Variants in ANKS1A observed in about 807,000 individuals in gnomAD.
The protein encoded by ANKS1A is ankyrin repeat and sterile alpha motif domain containing 1A.
A neutral mutation model predicts 120.3 loss-of-function variants in ANKS1A; 55 were observed. The observed-to-expected ratio is 0.46, with a 90% CI of 0.37 to 0.57. ANKS1A has a LOEUF of 0.57. Among genes scored for constraint, ANKS1A ranks in the 20% least tolerant of loss-of-function variants. The probability of loss-of-function intolerance (pLI) is 0.00; values close to 1 mark genes in which losing one functional copy is unlikely to be tolerated. For missense variants in ANKS1A, 1,123 were observed against 1,480.3 expected (o/e 0.76, Z 3.96); for synonymous variants, 590 against 604.7 (o/e 0.98, Z 0.36).
Position 35,079,648 on chromosome 6 carries a change from T to C in ANKS1A, c.2416T>C (p.Trp806Arg), listed in dbSNP as rs762190254. The change falls in exon 15 of 24, where the codon TGG (tryptophan) becomes CGG (arginine). Residue 806 changes from tryptophan (W) to arginine (R), a missense_variant. This residue lies in a region of ANKS1A where 904 missense variants were observed against 1,130.4 expected (regional missense o/e 0.80). Transcript: ENST00000360359. Reference protein sequence around the residue: ...YSSIDTVKNLWELELVNVLKV... With the variant: ...YSSIDTVKNLRELELVNVLKV... ...CTCCATTGACACCGTGAAGAACCTC[T>C]GGGAGCTAGAGCTCGTCAATGTGAG... The C allele has an allele frequency of 6.2e-7, 1 of 1,614,160 alleles. No individual in the cohort carries two copies. Among genetic ancestry groups the C allele is most frequent in the South Asian group, 1.1e-5 (1 of 91,080 alleles).
chr6:34,919,989 A>G (rs1768351542), intron 1 of ANKS1A, among the ~76,000 whole-genome samples: 2 of 152,040 alleles, frequency 1.3e-5, no homozygotes, highest in Non-Finnish European at 2.9e-5. Context: ...CCACTTCTAG[A>G]TGGCAAGCTC....
At chr6:34,906,413 A>G (rs1029691057) in intron 1 of ANKS1A, among the ~76,000 whole-genome samples, 4 of 152,248 alleles carry the variant, frequency 2.6e-5, no homozygotes, top group Admixed American at 6.5e-5. Context: ...AACTTTCATC[A>G]GCAAATACTA....
chr6:34,930,688 A>G (rs2127473380), intron 1 of ANKS1A, among the ~76,000 whole-genome samples: 1 of 151,874 alleles, frequency 6.6e-6, no homozygotes, highest in Admixed American at 6.6e-5. Flanking sequence ...CCTCTCATGG[A>G]AATTATTTAT....
At chr6:35,094,857 G>A (rs1481628021), downstream of ANKS1A, among the ~76,000 whole-genome samples, 1 of 152,068 alleles carries the variant, frequency 6.6e-6, no homozygotes, top group African/African-American at 2.4e-5. Context: ...GAAAATACTC[G>A]AGGCCGGGTA....
intron 11 of ANKS1A, among the ~76,000 whole-genome samples, chr6:35,021,223 T>TG (rs1463797466): frequency 6.6e-6 from 1 of 152,186 alleles, no homozygotes; most frequent in Non-Finnish European, 1.5e-5. Flanking sequence ...ATCCTGTTCT[T>TG]GCTGATTTTT....
chr6:35,044,793 G>T lies in ANKS1A; in HGVS notation c.2011-9306G>T, dbSNP rs1775636326. Among the ~76,000 whole-genome samples the T allele has an allele frequency of 6.6e-6, 1 of 152,170 alleles. No individual in the cohort carries two copies. Among genetic ancestry groups the T allele is most frequent in the African/African-American group, 2.4e-5 (1 of 41,446 alleles). ...TGGATTTTGATTAACTTGTTTTTTA[G>T]ATAGAATTTTGTTTATTTTGGAACC... On this transcript the variant is annotated intron_variant, in intron 11 of 23. Transcript: ENST00000360359. This position sits in a 1 kb window ranked among gnomAD's most constrained non-coding sequence, Gnocchi z 4.4.
Position 34,932,662 on chromosome 6 carries a change from G to A in ANKS1A, c.198-34577G>A, listed in dbSNP as rs28803510. 7.6e-3 allele frequency among the ~76,000 whole-genome samples: 1,154 copies of A among 152,310 alleles called. 20 individuals carry two copies. Among genetic ancestry groups the A allele is most frequent in the African/African-American group, 0.025 (1,056 of 41,568 alleles). ...AACCTCCCAAAGTGCTGGGATTACAGGCATGAGCCACCATGCCCAGCAGTT... is the reference window on the plus strand; with the variant it reads ...AACCTCCCAAAGTGCTGGGATTACAAGCATGAGCCACCATGCCCAGCAGTT... On this transcript the variant is annotated intron_variant, in intron 1 of 23. Coordinates refer to ENST00000360359, the MANE Select transcript of ANKS1A (RefSeq NM_015245.3).
At chr6:35,038,140 A>G (rs966290199) in intron 11 of ANKS1A, 2 of 455,190 alleles carry the variant, frequency 4.4e-6, no homozygotes, top group Non-Finnish European at 8.8e-6. Flanking sequence ...CCTTTCCTCT[A>G]ACTCCAACCC....
At chr6:34,986,033 AGCCTAG>A (rs1360915089) in intron 8 of ANKS1A, among the ~76,000 whole-genome samples, 1 of 152,248 alleles carries the variant, frequency 6.6e-6, no homozygotes, top group Non-Finnish European at 1.5e-5. Flanking sequence ...AGCTTAGCCT[AGCCTAG>A]GTTAAATGTG....
At chr6:34,961,076 T>C (rs1770614302) in intron 1 of ANKS1A, among the ~76,000 whole-genome samples, 1 of 152,242 alleles carries the variant, frequency 6.6e-6, no homozygotes, top group African/African-American at 2.4e-5. Context: ...CAAGGGCAGC[T>C]ATTGCATTTC....
chr6:34,971,319 T>C (rs548776229), intron 3 of ANKS1A, among the ~76,000 whole-genome samples: 2 of 152,328 alleles, frequency 1.3e-5, no homozygotes, highest in Admixed American at 1.3e-4. Context: ...GGCCATGGAT[T>C]TAGTTACTCT....
At chr6:35,042,035 G>A (rs1358870688) in intron 11 of ANKS1A, among the ~76,000 whole-genome samples, 3 of 152,190 alleles carry the variant, frequency 2.0e-5, no homozygotes, top group Non-Finnish European at 4.4e-5. Context: ...CAGAGAAATG[G>A]GGGGAAGTGA....
At chr6:34,925,910 C>G (rs1029442159) in intron 1 of ANKS1A, among the ~76,000 whole-genome samples, 3 of 152,042 alleles carry the variant, frequency 2.0e-5, no homozygotes, top group Non-Finnish European at 2.9e-5. Flanking sequence ...ACAAAGGCAG[C>G]CTCCCATGAC....
intron 1 of ANKS1A, among the ~76,000 whole-genome samples, chr6:34,927,638 A>G (rs1219046286): frequency 6.6e-6 from 1 of 152,160 alleles, no homozygotes; most frequent in South Asian, 2.1e-4. Context: ...TTGGAGCTGG[A>G]CTAAGTGACA....
chr6:34,975,054 A>T (rs1771486054), intron 3 of ANKS1A, among the ~76,000 whole-genome samples: 1 of 152,224 alleles, frequency 6.6e-6, no homozygotes, highest in African/African-American at 2.4e-5. Flanking sequence ...TTAATTTTGC[A>T]CATATAAAAT....
In ANKS1A at chr6:35,060,370, A is replaced by G. The variant is rs1776437686; in HGVS notation, c.2184+117A>G. 3.5e-6 allele frequency: 3 copies of G among 859,746 alleles called. No homozygotes were observed. The African/African-American group carries it at 5.1e-5, about 15-fold the overall frequency. The allele number at this position is 859,746 out of a possible 1,614,324, so 53.3% of individuals were successfully genotyped here. A position where few individuals can be genotyped will look rare whatever the true frequency, so the allele number is the denominator to read the frequency against. On this transcript the variant is annotated intron_variant, in intron 13 of 23. Coordinates refer to ENST00000360359, the MANE Select transcript of ANKS1A (RefSeq NM_015245.3). The surrounding 1 kb of genome is among the most constrained non-coding windows in gnomAD (Gnocchi z 4.5). Reference sequence around the variant, plus strand: ...CAGTACGTAGACCCAAATCCCAGGGAAAGCTCACTGAGGTCACTCAGACAC... The same window carrying G: ...CAGTACGTAGACCCAAATCCCAGGGGAAGCTCACTGAGGTCACTCAGACAC...
At position 34,982,077 on chromosome 6, in the gene ANKS1A, A is replaced by AT. The variant is rs1771934144; in HGVS notation, c.732+94dup. The AT allele has an allele frequency of 1.3e-5, 19 of 1,456,408 alleles. No individual in the cohort carries two copies. Among genetic ancestry groups the AT allele is most frequent in the Admixed American group, 2.2e-5 (1 of 46,336 alleles). 90.2% of individuals were successfully genotyped at this position (1,456,408 alleles called of 1,614,324 possible). On this transcript the variant is annotated intron_variant, in intron 4 of 23. Coordinates refer to ENST00000360359, the MANE Select transcript of ANKS1A (RefSeq NM_015245.3). This position sits in a 1 kb window ranked among gnomAD's most constrained non-coding sequence, Gnocchi z 4.9. ...ACCATGCTGCTGGGCTGTGCTCTTT[A>AT]TTTAGCACGTTTCACATCATGTTTC...
intron 14 of ANKS1A, among the ~76,000 whole-genome samples, chr6:35,079,134 C>T (rs2127606376): frequency 6.6e-6 from 1 of 152,316 alleles, no homozygotes; most frequent in Middle Eastern, 3.4e-3. Context: ...ATGCAGTGGC[C>T]CCGTCCCTTC....
rs534714849 is a variant in ANKS1A at position 35,085,656 on chromosome 6, C to T, written c.3133-110C>T. ...AGGGAAGAGTGGAAGGAGGTAGGAG[C>T]GCTCCCGGGTAGACTTAGAGGGGGA... On this transcript the variant is annotated intron_variant, in intron 21 of 23. Transcript: ENST00000360359. The surrounding 1 kb of genome is among the most constrained non-coding windows in gnomAD (Gnocchi z 4.7). The T allele has an allele frequency of 7.2e-6, 8 of 1,116,330 alleles. No homozygotes were observed. Among genetic ancestry groups the T allele is most frequent in the South Asian group, 5.3e-5 (3 of 56,592 alleles). 69.2% of individuals were successfully genotyped at this position (1,116,330 alleles called of 1,614,324 possible).
Sources: allele counts gnomAD v4.1 joint callset (sites outside exome capture counted in the v4.1 genomes callset), GRCh38; gene constraint gnomAD v4.1.1; regional missense constraint gnomAD v4.1.1; non-coding constraint Gnocchi (gnomAD v3.1); transcripts MANE v1.5; gene names NCBI Gene and HGNC (gene_info 2026-07-23, HGNC 2026-07-21).